Variants in CCBE1 observed in about 807,000 individuals in gnomAD.
The protein encoded by CCBE1 is collagen and calcium binding EGF domains 1.
A neutral mutation model predicts 50.0 loss-of-function variants in CCBE1; 37 were observed. That is an observed-to-expected ratio of 0.74 (90% CI 0.57 to 0.97). The LOEUF (loss-of-function observed/expected upper bound fraction) is 0.97, where lower values mean the gene tolerates loss of function less well. CCBE1 is among the 50% of genes least tolerant of loss of function. CCBE1 has a pLI of 0.00. For missense variants in CCBE1, 538 were observed against 523.8 expected, an observed-to-expected ratio of 1.03 and a Z score of -0.26; for synonymous variants, 234 against 203.7, an observed-to-expected ratio of 1.15 and a Z score of -1.27.
intron 2 of CCBE1, among the ~76,000 whole-genome samples, chr18:59,546,497 C>T (rs1039872732): frequency 6.6e-6 from 1 of 152,222 alleles, no homozygotes; most frequent in Non-Finnish European, 1.5e-5. Context: ...AACCCTATGC[C>T]ATTTCACAGA....
chr18:59,668,529 ATTTT>A (rs1276612055), intron 2 of CCBE1, among the ~76,000 whole-genome samples: 2 of 152,080 alleles, frequency 1.3e-5, no homozygotes, highest in Non-Finnish European at 2.9e-5. Context: ...TCATAAGCAT[ATTTT>A]CATCTCAGAA....
chr18:59,601,024 T>TTG (rs1697790718), intron 2 of CCBE1, among the ~76,000 whole-genome samples: 2 of 81,796 alleles, frequency 2.4e-5, no homozygotes, highest in Admixed American at 1.1e-4. Context: ...TTTTTTTTTT[T>TTG]TTTTTTTTTT....
intron 6 of CCBE1, among the ~76,000 whole-genome samples, chr18:59,450,775 T>C (rs1474875208): frequency 1.3e-5 from 2 of 152,202 alleles, no homozygotes; most frequent in African/African-American, 4.8e-5. Context: ...CCTCAAGTGA[T>C]CCGCCCGCCT....
chr18:59,697,474 A>T (rs2054827912), upstream of CCBE1: 11 of 1,218,388 alleles, frequency 9.0e-6, no homozygotes, highest in Non-Finnish European at 1.2e-5. Flanking sequence ...CACCACCTGC[A>T]CGGGGAGCAG....
At chr18:59,577,460 A>C (rs1391483823) in intron 2 of CCBE1, among the ~76,000 whole-genome samples, 3 of 152,204 alleles carry the variant, frequency 2.0e-5, no homozygotes, top group Admixed American at 6.5e-5. Context: ...GCTATTCCCC[A>C]GTTTCTTAAG....
At chr18:59,474,624 A>G (rs560026364) in intron 3 of CCBE1, among the ~76,000 whole-genome samples, 5 of 152,276 alleles carry the variant, frequency 3.3e-5, no homozygotes, top group African/African-American at 9.6e-5. Flanking sequence ...TCTCCTTCAG[A>G]TCCTTGAACC....
rs79412246 is a variant in CCBE1, at chr18:59,568,985, C to T, written c.213-88747G>A. 2.0e-4 allele frequency among the ~76,000 whole-genome samples: 30 copies of T among 152,370 alleles called. 1 individual carries two copies. In the East Asian group the frequency reaches 4.0e-3, roughly 21 times the overall value. The stretch of plus-strand genomic sequence containing the variant: ...AGTGTGCTCTCACCCACTACCTTCA[C>T]GGATGTCTCTGCGTCTCTGTTCACT... On this transcript the variant is annotated intron_variant, in intron 2 of 10. Transcript: ENST00000439986.
chr18:59,559,930 C>T (rs1367711462), intron 2 of CCBE1, among the ~76,000 whole-genome samples: 1 of 152,152 alleles, frequency 6.6e-6, no homozygotes, highest in Non-Finnish European at 1.5e-5. Flanking sequence ...GGACAGTCCA[C>T]CAAGAGCCAG....
chr18:59,682,930 C>T (rs552302583), intron 2 of CCBE1, among the ~76,000 whole-genome samples: 1 of 152,202 alleles, frequency 6.6e-6, no homozygotes, highest in Non-Finnish European at 1.5e-5. Context: ...CTTGTGCCCC[C>T]CCTTCCCTGT....
chr18:59,660,528 C>A (rs1016558355), intron 2 of CCBE1, among the ~76,000 whole-genome samples: 9 of 152,026 alleles, frequency 5.9e-5, no homozygotes, highest in Admixed American at 3.3e-4. Flanking sequence ...GAGAGCAAAG[C>A]CTTTTTGAGC....
chr18:59,618,577 G>A (rs866104275), intron 2 of CCBE1, among the ~76,000 whole-genome samples: 3 of 152,038 alleles, frequency 2.0e-5, no homozygotes, highest in South Asian at 2.1e-4. Context: ...GGGGACTACA[G>A]GTGCGTGCCA....
chr18:59,572,957 C>T (rs2052936331), intron 2 of CCBE1, among the ~76,000 whole-genome samples: 1 of 152,034 alleles, frequency 6.6e-6, no homozygotes, highest in African/African-American at 2.4e-5. Context: ...CATCCAGTAT[C>T]AGTAGACTTT....
intron 7 of CCBE1, among the ~76,000 whole-genome samples, chr18:59,442,456 G>A (rs758837515): frequency 5.9e-5 from 9 of 152,146 alleles, no homozygotes; most frequent in South Asian, 4.2e-4. Flanking sequence ...GGCCAGGTGC[G>A]GTGGCTCATG....
intron 2 of CCBE1, among the ~76,000 whole-genome samples, chr18:59,505,397 G>C (rs1451774563): frequency 6.6e-6 from 1 of 152,160 alleles, no homozygotes; most frequent in South Asian, 2.1e-4. Flanking sequence ...TTGGGTGATT[G>C]CAATTGTATA....
At chr18:59,467,868 A>G (rs1020383619) in intron 4 of CCBE1, among the ~76,000 whole-genome samples, 7 of 1,680 alleles carry the variant, frequency 4.2e-3, no homozygotes, top group African/African-American at 4.6e-3. Context: ...GGTCATCTGG[A>G]CGCTCCCCGG....
intron 2 of CCBE1, among the ~76,000 whole-genome samples, chr18:59,639,911 C>T (rs1238721334): frequency 5.9e-5 from 9 of 152,174 alleles, no homozygotes; most frequent in Admixed American, 3.3e-4. Context: ...AAAAATAATA[C>T]AATACCTAGG....
At chr18:59,641,742 G>T (rs2053993659) in intron 2 of CCBE1, among the ~76,000 whole-genome samples, 1 of 152,114 alleles carries the variant, frequency 6.6e-6, no homozygotes, top group Non-Finnish European at 1.5e-5. Context: ...ACAGGTGAAT[G>T]GAACAAAATC....
intron 2 of CCBE1, among the ~76,000 whole-genome samples, chr18:59,539,216 A>AC (rs1182781391): frequency 1.3e-5 from 2 of 151,962 alleles, no homozygotes; most frequent in East Asian, 3.9e-4. Context: ...ACAAAAAAAA[A>AC]CAGCAAGAAA....
chr18:59,594,003 T>G (rs1448281628), intron 2 of CCBE1, among the ~76,000 whole-genome samples: 1 of 152,216 alleles, frequency 6.6e-6, no homozygotes, highest in Non-Finnish European at 1.5e-5. Context: ...CAGGCAAAAC[T>G]GCACAGTCTC....
Sources: gnomAD v4.1 joint callset for allele counts (sites outside exome capture counted in the v4.1 genomes callset) on GRCh38, gnomAD v4.1.1 for gene constraint, MANE v1.5 for transcripts, NCBI Gene and HGNC (gene_info 2026-07-23, HGNC 2026-07-21) for gene names.